Variants in CHD7 observed in about 807,000 individuals in gnomAD.
CHD7 encodes the protein chromodomain helicase DNA binding protein 7.
Under a neutral mutation model 307.3 loss-of-function variants are expected in CHD7, and 24 were observed. The ratio of observed to expected loss-of-function variants is 0.08; its 90% CI spans 0.06 to 0.11. The LOEUF is 0.11. Ranked by LOEUF, CHD7 falls within the 10% of genes least tolerant of loss-of-function variation. The pLI is 1.00. For missense variants in CHD7, 3,106 were observed against 3,727.1 expected (o/e 0.83, Z 4.34); for synonymous variants, 1,363 against 1,349.9 (o/e 1.01, Z -0.21).
At chr8:60,780,235 T>C (rs980283644) in intron 2 of CHD7, among the ~76,000 whole-genome samples, 1 of 152,202 alleles carries the variant, frequency 6.6e-6, no homozygotes, top group African/African-American at 2.4e-5. Flanking sequence ...GTTATTTTTC[T>C]ACTCTATTTA....
rs1381683295 is a variant in CHD7, at chr8:60,822,404, G to T, written c.2958-99G>T. 5 of 1,122,346 alleles carry T rather than the reference G, an allele frequency of 4.5e-6. No individual in the cohort carries two copies. In the African/African-American group the frequency reaches 6.2e-5, roughly 14 times the overall value. 69.5% of individuals were successfully genotyped at this position (1,122,346 alleles called of 1,614,324 possible). Reference sequence around the variant, plus strand: ...CTAAGAGAACATCTAAAGCCTTTGGGTATGCATTTGTGGGTACAATGGTAT... The same window carrying T: ...CTAAGAGAACATCTAAAGCCTTTGGTTATGCATTTGTGGGTACAATGGTAT... On this transcript the variant is annotated intron_variant, in intron 11 of 37. Coordinates refer to ENST00000423902, the MANE Select transcript of CHD7 (RefSeq NM_017780.4).
chr8:60,847,445 C>G (rs544598167), intron 23 of CHD7, among the ~76,000 whole-genome samples: 1 of 152,140 alleles, frequency 6.6e-6, no homozygotes, highest in South Asian at 2.1e-4. Flanking sequence ...TATAACTTGC[C>G]CTGCTTCATC....
intron 31 of CHD7, 121 bp downstream of exon 31, chr8:60,853,621 G>A: frequency 1.3e-6 from 1 of 746,748 alleles, no homozygotes; most frequent in Non-Finnish European, 2.1e-6. Context: ...TTTCTTCTGT[G>A]AAGGGATAAT....
At chr8:60,801,479 A>G in intron 5 of CHD7, 49 bp from the exon 6 acceptor site, 1 of 1,355,758 alleles carries the variant, frequency 7.4e-7, no homozygotes, top group Non-Finnish European at 1.0e-6. Flanking sequence ...CTTATAGCTT[A>G]GGATGAGATG....
At position 60,860,925 on chromosome 8, in the gene CHD7, G is replaced by T; in HGVS notation, c.7630G>T (p.Ala2544Ser). ...GCAGGAGGATGCTGAGGTGACCAAA[G>T]CTTTTGAAGAAGATATAGAGACCCC... is the stretch of plus-strand genomic sequence containing the variant. ...LSAEDAEVTK[A>S]FEEDIETPPT... The change falls in exon 35 of 38, where the codon GCT becomes TCT. Residue 2544 changes from alanine (A) to serine (S), a missense_variant. Ala to Ser is a moderately conservative substitution (Grantham distance 99). Around this residue, in one of 10 missense-constraint regions of CHD7, gnomAD observed 1,030 missense variants for 1,165.4 expected, o/e 0.88. Coordinates refer to ENST00000423902, the MANE Select transcript of CHD7 (RefSeq NM_017780.4). 3 of 1,613,620 alleles carry T rather than the reference G, an allele frequency of 1.9e-6. No homozygotes were observed. Among genetic ancestry groups the T allele is most frequent in the Non-Finnish European group, 2.5e-6 (3 of 1,179,708 alleles).
chr8:60,823,396 TAG>T (rs1491265562), intron 12 of CHD7, among the ~76,000 whole-genome samples: 2,077 of 26,464 alleles, frequency 0.078, 43 homozygotes, highest in African/African-American at 0.23. Flanking sequence ...TTGCTATATA[TAG>T]ATAGATAGAT....
chr8:60,829,373 G>A (rs1263195863), intron 14 of CHD7, among the ~76,000 whole-genome samples: 1 of 152,236 alleles, frequency 6.6e-6, no homozygotes, highest in East Asian at 1.9e-4. Context: ...GCTGAGGCAG[G>A]CGGATCACGA....
At chr8:60,732,141 A>G (rs16926440) in intron 1 of CHD7, among the ~76,000 whole-genome samples, 4,751 of 152,328 alleles carry the variant, frequency 0.031, 163 homozygotes, top group African/African-American at 0.079. Context: ...GGTGTATATC[A>G]GAAAAGACTG....
At position 60,865,151 on chromosome 8, in the gene CHD7, A is replaced by C; in HGVS notation, c.8212A>C (p.Thr2738Pro). The C allele has an allele frequency of 6.2e-7, 1 of 1,612,102 alleles. No homozygotes were observed. Among genetic ancestry groups the C allele is most frequent in the South Asian group, 1.1e-5 (1 of 90,614 alleles). Reference sequence around the variant, plus strand: ...CGCGGCCGCCGCTGCTGTGGCCTCCACGTCAGGGATCAACCCTTTGCTGGT... The same window carrying C: ...CGCGGCCGCCGCTGCTGTGGCCTCCCCGTCAGGGATCAACCCTTTGCTGGT... ...AAAAAAAVAS[T>P]SGINPLLVNS... The change falls in exon 38 of 38, where the codon ACG becomes CCG. Residue 2738 changes from threonine (T) to proline (P), a missense_variant. Physicochemically the swap from Thr to Pro is conservative, Grantham distance 38. Coordinates refer to ENST00000423902, the MANE Select transcript of CHD7 (RefSeq NM_017780.4). This position sits in a 1 kb window ranked among gnomAD's most constrained non-coding sequence, Gnocchi z 4.3.
Position 60,781,228 on chromosome 8 carries a change from A to C in CHD7, c.1894A>C (p.Asn632His). 6.3e-7 allele frequency: 1 copy of C among 1,589,196 alleles called. No homozygotes were observed. The highest frequency in any genetic ancestry group is 8.6e-7 in the Non-Finnish European group (1 of 1,167,306). Residue 632 changes from asparagine to histidine, a missense_variant, in exon 3 of 38, where the codon AAC becomes CAC. Transcript: ENST00000423902. ...GGTAGATAACCAAGAACTAAATAGGAACTCACTGGATGGGTCCCAAGAAGA... is the reference window on the plus strand; with the variant it reads ...GGTAGATAACCAAGAACTAAATAGGCACTCACTGGATGGGTCCCAAGAAGA... ...GGVDNQELNRNSLDGSQEEKK... is the reference protein window; with the variant it reads ...GGVDNQELNRHSLDGSQEEKK...
At chr8:60,816,787 G>GT (rs957464085) in intron 8 of CHD7, among the ~76,000 whole-genome samples, 3 of 152,192 alleles carry the variant, frequency 2.0e-5, no homozygotes, top group African/African-American at 7.2e-5. Flanking sequence ...ATGAAATTAA[G>GT]TAAGTGGACA....
chr8:60,773,659 T>C (rs1020201764), intron 2 of CHD7, among the ~76,000 whole-genome samples: 21 of 152,204 alleles, frequency 1.4e-4, no homozygotes, highest in African/African-American at 4.8e-4. Flanking sequence ...AGATGGTGAT[T>C]TGGGGTGGGG....
At chr8:60,743,470 T>C (rs1296710241) in intron 2 of CHD7, among the ~76,000 whole-genome samples, 1 of 152,264 alleles carries the variant, frequency 6.6e-6, no homozygotes, top group Non-Finnish European at 1.5e-5. Flanking sequence ...ACACTGACAC[T>C]TGGTTTCTAG....
intron 2 of CHD7, among the ~76,000 whole-genome samples, chr8:60,762,435 C>T (rs1431128828): frequency 6.6e-6 from 1 of 152,136 alleles, no homozygotes; most frequent in African/African-American, 2.4e-5. Context: ...AAGAGCATGG[C>T]CCTGGAGTCC....
intron 2 of CHD7, among the ~76,000 whole-genome samples, chr8:60,756,707 A>G (rs1461958370): frequency 1.3e-5 from 2 of 152,162 alleles, no homozygotes; most frequent in African/African-American, 4.8e-5. Context: ...GCACACACAC[A>G]TACGCGCATA....
At chr8:60,848,971 G>T in intron 24 of CHD7, 80 bp from the exon 25 acceptor site, 1 of 1,094,928 alleles carries the variant, frequency 9.1e-7, no homozygotes, top group Non-Finnish European at 1.4e-6. Flanking sequence ...GTGGGAGAGA[G>T]GGCATGTGAG....
At chr8:60,762,374 T>TA (rs1810257675) in intron 2 of CHD7, among the ~76,000 whole-genome samples, 1 of 152,294 alleles carries the variant, frequency 6.6e-6, no homozygotes, top group South Asian at 2.1e-4. Flanking sequence ...CTGTCTCTGT[T>TA]ACGATTATTG....
At chr8:60,729,981 G>A (rs1390094026) in intron 1 of CHD7, among the ~76,000 whole-genome samples, 3 of 152,240 alleles carry the variant, frequency 2.0e-5, no homozygotes, top group East Asian at 3.9e-4. Context: ...CTTAAAATTA[G>A]AATTGGTTAG....
chr8:60,825,677 A>G (rs1262156250), intron 13 of CHD7, among the ~76,000 whole-genome samples: 4 of 152,200 alleles, frequency 2.6e-5, no homozygotes, highest in Admixed American at 6.5e-5. Flanking sequence ...TTATGTCACC[A>G]TTTCCTGAAG....
Sources: allele counts gnomAD v4.1 joint callset (sites outside exome capture counted in the v4.1 genomes callset), GRCh38; gene constraint gnomAD v4.1.1; regional missense constraint gnomAD v4.1.1; non-coding constraint Gnocchi (gnomAD v3.1); transcripts MANE v1.5; gene names NCBI Gene and HGNC (gene_info 2026-07-23, HGNC 2026-07-21).